The following RUFY1 variants were observed in gnomAD, a reference collection of about 807,000 sequenced individuals.
RUFY1 encodes RUN and FYVE domain containing 1.
A neutral mutation model predicts 94.6 loss-of-function variants in RUFY1; 54 were observed. The observed-to-expected ratio is 0.57, with a 90% confidence interval of 0.46 to 0.72. The LOEUF is 0.72. Among genes scored for constraint, RUFY1 ranks in the 30% least tolerant of loss-of-function variants. The probability of loss-of-function intolerance (pLI) is 0.00; values close to 1 mark genes in which losing one functional copy is unlikely to be tolerated. For synonymous variants in RUFY1, 396 were observed against 347.3 expected (o/e 1.14, Z -1.56); for missense variants, 883 against 883.9 (o/e 1.00, Z 0.01).
At chr5:179,596,216 C>T in intron 12 of RUFY1, 3 of 351,918 alleles carry the variant, frequency 8.5e-6, no homozygotes, top group Non-Finnish European at 1.6e-5. Flanking sequence ...AGGCATGAAC[C>T]ATTGATACAC....
At chr5:179,584,417 G>A (rs1186115858) in intron 7 of RUFY1, among the ~76,000 whole-genome samples, 1 of 152,182 alleles carries the variant, frequency 6.6e-6, no homozygotes, top group East Asian at 1.9e-4. Context: ...TGCCTTGTCT[G>A]TAAAATGGGC....
At chr5:179,599,677 C>G (rs1766121354) in intron 14 of RUFY1, 1 of 152,434 alleles carries the variant, frequency 6.6e-6, no homozygotes, top group East Asian at 1.9e-4. Context: ...GGGGAGGAGG[C>G]TCTGCGATCC....
At position 179,596,682 on chromosome 5, in the gene RUFY1, G is replaced by T; in HGVS notation, c.1631+1G>T. On this transcript the variant is annotated splice_donor_variant, in intron 13 of 17. Transcript: ENST00000319449. LOFTEE classifies it high-confidence loss of function. ...AGCTCTCCCAGCTGCACGAGCAATG[G>T]TAGGGGCCCTGCAGGGAGCCTGGGC... is the stretch of plus-strand genomic sequence containing the variant. 6.3e-7 allele frequency: 1 copy of T among 1,593,436 alleles called. No homozygotes were observed. The highest frequency in any genetic ancestry group is 8.5e-7 in the Non-Finnish European group (1 of 1,171,972).
At chr5:179,568,074 A>G (rs1313754079) in intron 4 of RUFY1, among the ~76,000 whole-genome samples, 4 of 151,970 alleles carry the variant, frequency 2.6e-5, no homozygotes, top group African/African-American at 4.8e-5. Flanking sequence ...GTAAAACCCC[A>G]TCTCTGCTAA....
chr5:179,567,122 G>C (rs187257790), intron 3 of RUFY1, among the ~76,000 whole-genome samples: 3 of 152,264 alleles, frequency 2.0e-5, no homozygotes, highest in Non-Finnish European at 2.9e-5. Context: ...GATTTTATAA[G>C]CTTCAGCACT....
intron 6 of RUFY1, among the ~76,000 whole-genome samples, chr5:179,580,356 C>T (rs1279546898): frequency 4.6e-5 from 7 of 151,380 alleles, no homozygotes; most frequent in Admixed American, 4.6e-4. Context: ...CATTCTCCTG[C>T]CTCAGCCTCC....
intron 9 of RUFY1, chr5:179,590,749 G>T (rs1765006323): frequency 6.6e-6 from 1 of 151,918 alleles, no homozygotes; most frequent in Non-Finnish European, 1.5e-5. Context: ...GCCTCCCAAA[G>T]TGCTGGGATT....
At chr5:179,602,065 T>TC (rs1439432350) in intron 15 of RUFY1, 79 bp downstream of exon 15, 4 of 1,203,074 alleles carry the variant, frequency 3.3e-6, no homozygotes, top group Non-Finnish European at 4.9e-6. Flanking sequence ...CAAACCTACC[T>TC]CCTTTTGGCG....
In RUFY1 at chr5:179,565,870, A is replaced by G. The variant is rs140801417; in HGVS notation, c.603-1591A>G. 5.1e-3 allele frequency among the ~76,000 whole-genome samples: 773 copies of G among 152,278 alleles called. 11 individuals carry two copies. Among genetic ancestry groups the G allele is most frequent in the African/African-American group, 0.018 (743 of 41,546 alleles). On this transcript the variant is annotated intron_variant, in intron 3 of 17. Coordinates refer to ENST00000319449, the MANE Select transcript of RUFY1 (RefSeq NM_025158.5). ...GAAAGTTGCACAGTTGGCCAGGCAC[A>G]GCAGCTCACGCCTATAATCCCAACA...
rs61062422 is a variant in RUFY1, at chr5:179,579,657, CTTTTTTTTT to C, written c.891-1276_891-1268del. Among the ~76,000 whole-genome samples, 51 of 50,544 alleles carry C rather than the reference CTTTTTTTTT, an allele frequency of 1.0e-3. 1 individual carries two copies. The highest frequency in any genetic ancestry group is 2.4e-3 in the African/African-American group (39 of 16,272). The allele number at this position is 50,544 out of a possible 152,430, so 33.2% of individuals were successfully genotyped here. On this transcript the variant is annotated intron_variant, in intron 6 of 17. Transcript: ENST00000319449. ...TAACAAAATATACCCTTTTCTTCTT[CTTTTTTTTT>C]TTTTTTTTTTTTTGAGATGGAATCT... is the stretch of plus-strand genomic sequence containing the variant.
At chr5:179,593,005 C>T (rs1324101977) in intron 10 of RUFY1, among the ~76,000 whole-genome samples, 1 of 152,312 alleles carries the variant, frequency 6.6e-6, no homozygotes, top group East Asian at 1.9e-4. Context: ...AAAGGGCAAA[C>T]ACCATCTACT....
In RUFY1 at chr5:179,567,503, C is replaced by T. The variant is rs1762916058; in HGVS notation, c.645C>T (p.Leu215=). The T allele has an allele frequency of 6.2e-7, 1 of 1,614,108 alleles. No individual in the cohort carries two copies. Among genetic ancestry groups the T allele is most frequent in the South Asian group, 1.1e-5 (1 of 91,088 alleles). The part of the protein sequence containing the change: ...GRGRAWLYLA[L]MQKKLADYLK... Reference sequence around the variant, plus strand: ...GCCGAGCGTGGCTTTATCTTGCACTCATGCAAAAGAAACTGGCAGATTATC... The same window carrying T: ...GCCGAGCGTGGCTTTATCTTGCACTTATGCAAAAGAAACTGGCAGATTATC... Residue 215 remains leucine, a synonymous_variant, in exon 4 of 18, where the codon CTC becomes CTT. Coordinates refer to ENST00000319449, the MANE Select transcript of RUFY1 (RefSeq NM_025158.5).
chr5:179,570,342 TGAG>T (rs1234980041), intron 5 of RUFY1, among the ~76,000 whole-genome samples: 1 of 152,182 alleles, frequency 6.6e-6, no homozygotes, highest in Non-Finnish European at 1.5e-5. Context: ...GCAAAAGCCT[TGAG>T]GAGACTAGTC....
chr5:179,607,736 GCCCA>G, intron 17 of RUFY1, 77 bp downstream of exon 17: 1 of 1,292,680 alleles, frequency 7.7e-7, no homozygotes. Context: ...GGTTCCAGAA[GCCCA>G]TATCAGAGCA....
chr5:179,560,320 G>C, intron 2 of RUFY1, 122 bp downstream of exon 2: 1 of 1,270,500 alleles, frequency 7.9e-7, no homozygotes, highest in South Asian at 1.5e-5. Flanking sequence ...GAACAGGCAA[G>C]GTTCCTGTAT....
rs768588200 is a variant in RUFY1 at position 179,596,606 on chromosome 5, G to T, written c.1556G>T (p.Ser519Ile). 8.1e-6 allele frequency: 13 copies of T among 1,613,212 alleles called. No homozygotes were observed. Residue 519 changes from serine (S) to isoleucine (I), a missense_variant, in exon 13 of 18, where the codon AGC becomes ATC. Physicochemically the swap from Ser to Ile is moderately radical, Grantham distance 142 (BLOSUM62 -2). Transcript: ENST00000319449. ...GCGAGGCAGGGGGCTGAGGAGCGGA[G>T]CCACAAGCTGCAGCAGGAGCTGGGC... ...ERARQGAEER[S>I]HKLQQELGGR...
chr5:179,583,368 G>T (rs1439564416), intron 7 of RUFY1, among the ~76,000 whole-genome samples: 3 of 150,364 alleles, frequency 2.0e-5, no homozygotes, highest in African/African-American at 7.3e-5. Flanking sequence ...TTTTTACTTA[G>T]TTCATCTGGG....
chr5:179,594,982 C>G lies in RUFY1; in HGVS notation c.1511+19C>G. 1.3e-6 allele frequency: 2 copies of G among 1,506,212 alleles called. No individual in the cohort carries two copies. The highest frequency in any genetic ancestry group is 1.8e-6 in the Non-Finnish European group (2 of 1,083,906). 93.3% of individuals were successfully genotyped at this position (1,506,212 alleles called of 1,614,324 possible). On this transcript the variant is annotated intron_variant, in intron 12 of 17. Coordinates refer to ENST00000319449, the MANE Select transcript of RUFY1 (RefSeq NM_025158.5). ...AAGAAAGGTAATCACTTCCCCCTGG[C>G]AGATATTCTCGGGAAGGCTCTGAGC...
intron 13 of RUFY1, 76 bp downstream of exon 13, chr5:179,596,757 C>CCTG: frequency 1.1e-6 from 1 of 948,708 alleles, no homozygotes; most frequent in Non-Finnish European, 1.3e-6. Context: ...AGGTGGTATC[C>CCTG]TGCTTCAGCA....
Sources: allele counts gnomAD v4.1 joint callset (sites outside exome capture counted in the v4.1 genomes callset), GRCh38; gene constraint gnomAD v4.1.1; transcripts MANE v1.5; gene names NCBI Gene and HGNC (gene_info 2026-07-23, HGNC 2026-07-21).